MARCHF1: variants seen among roughly 807,000 people sequenced by gnomAD.
MARCHF1 encodes membrane associated ring-CH-type finger 1.
A neutral mutation model predicts 54.2 loss-of-function variants in MARCHF1; 40 were observed. The ratio of observed to expected loss-of-function variants is 0.74; its 90% CI spans 0.57 to 0.96. The LOEUF (loss-of-function observed/expected upper bound fraction) is 0.96, where lower values mean the gene tolerates loss of function less well. Ranked by LOEUF, MARCHF1 falls within the 40% of genes least tolerant of loss-of-function variation. The pLI, the probability that MARCHF1 is intolerant of heterozygous loss-of-function variation, is 0.00. For synonymous variants in MARCHF1, 236 were observed against 236.3 expected (o/e 1.00, Z 0.01); for missense variants, 586 against 656.5 (o/e 0.89, Z 1.17).
chr4:163,631,743 A>G (rs1742091369), intron 5 of MARCHF1, among the ~76,000 whole-genome samples: 1 of 152,250 alleles, frequency 6.6e-6, no homozygotes, highest in South Asian at 2.1e-4. Context: ...AAACTGTATG[A>G]CATTGGATTT....
At chr4:163,902,359 G>A (rs2111309739) in intron 3 of MARCHF1, among the ~76,000 whole-genome samples, 1 of 152,168 alleles carries the variant, frequency 6.6e-6, no homozygotes, top group East Asian at 1.9e-4. Context: ...AGAGACAGAT[G>A]ATCACACAGA....
chr4:163,553,300 A>G (rs1739176102), intron 8 of MARCHF1, among the ~76,000 whole-genome samples: 1 of 152,224 alleles, frequency 6.6e-6, no homozygotes, highest in African/African-American at 2.4e-5. Context: ...ACCGCATCCA[A>G]TTAGACCTCA....
At chr4:164,285,989 G>T (rs984789464) in intron 1 of MARCHF1, among the ~76,000 whole-genome samples, 1 of 152,092 alleles carries the variant, frequency 6.6e-6, no homozygotes, top group Non-Finnish European at 1.5e-5. Context: ...CTGGGAGTGA[G>T]TAAGGAGTAA....
At chr4:163,663,043 C>T (rs1193984556) in intron 5 of MARCHF1, among the ~76,000 whole-genome samples, 1 of 151,840 alleles carries the variant, frequency 6.6e-6, no homozygotes, top group Non-Finnish European at 1.5e-5. Context: ...CAAATTTAAC[C>T]TTCTAACTGG....
At chr4:164,370,179 C>T (rs1730996980) in intron 1 of MARCHF1, among the ~76,000 whole-genome samples, 1 of 152,130 alleles carries the variant, frequency 6.6e-6, no homozygotes, top group African/African-American at 2.4e-5. Context: ...CCAATCTCAA[C>T]AGAGTGTATG....
chr4:163,680,515 A>ACAC (rs1744068442), intron 5 of MARCHF1, among the ~76,000 whole-genome samples: 1 of 152,196 alleles, frequency 6.6e-6, no homozygotes, highest in South Asian at 2.1e-4. Context: ...GCTCCCTGGA[A>ACAC]CACCAGCTCT....
intron 5 of MARCHF1, among the ~76,000 whole-genome samples, chr4:163,634,563 T>A (rs751270326): frequency 6.6e-6 from 1 of 151,912 alleles, no homozygotes; most frequent in Non-Finnish European, 1.5e-5. Context: ...TAAATATATA[T>A]GCACCCAATA....
At chr4:164,105,817 A>C (rs1200682467) in intron 2 of MARCHF1, among the ~76,000 whole-genome samples, 1 of 138,504 alleles carries the variant, frequency 7.2e-6, no homozygotes, top group Non-Finnish European at 1.5e-5. Flanking sequence ...CTACCATCAG[A>C]GTGAACAGGT....
intron 1 of MARCHF1, among the ~76,000 whole-genome samples, chr4:164,270,146 T>A (rs1219357792): frequency 1.3e-5 from 2 of 152,184 alleles, no homozygotes; most frequent in East Asian, 3.9e-4. Flanking sequence ...CCTTGGCTGA[T>A]TCTGTGGCAG....
At chr4:163,618,355 C>T (rs536460902) in intron 5 of MARCHF1, among the ~76,000 whole-genome samples, 8 of 152,078 alleles carry the variant, frequency 5.3e-5, no homozygotes, top group East Asian at 1.9e-4. Flanking sequence ...TAAGTTAATA[C>T]GCCCGAGGAC....
chr4:164,156,261 T>C (rs568974965), intron 1 of MARCHF1, among the ~76,000 whole-genome samples: 1 of 152,318 alleles, frequency 6.6e-6, no homozygotes, highest in African/African-American at 2.4e-5. Flanking sequence ...AGTGACAGCA[T>C]GTTTGTCTTA....
At chr4:163,645,342 C>T (rs1002548249) in intron 5 of MARCHF1, among the ~76,000 whole-genome samples, 4 of 152,150 alleles carry the variant, frequency 2.6e-5, no homozygotes, top group African/African-American at 9.7e-5. Flanking sequence ...TAGAGGCAAT[C>T]ACATCACACC....
intron 4 of MARCHF1, among the ~76,000 whole-genome samples, chr4:163,843,970 A>G (rs1174931391): frequency 2.0e-5 from 3 of 151,190 alleles, no homozygotes; most frequent in Non-Finnish European, 1.5e-5. Context: ...TTTTTTTTCA[A>G]TTTGTTTTCT....
At chr4:164,054,455 G>T (rs965685309) in intron 2 of MARCHF1, among the ~76,000 whole-genome samples, 4 of 151,946 alleles carry the variant, frequency 2.6e-5, no homozygotes, top group Non-Finnish European at 5.9e-5. Context: ...AAATCATGCT[G>T]CTATAAAGAC....
intron 1 of MARCHF1, chr4:164,190,082 T>G (rs1347991146): frequency 7.0e-7 from 1 of 1,420,154 alleles, no homozygotes. Context: ...GCTATGGCTA[T>G]TCTCTAAAGA....
chr4:163,642,749 G>A (rs1462749743), intron 5 of MARCHF1, among the ~76,000 whole-genome samples: 1 of 152,064 alleles, frequency 6.6e-6, no homozygotes, highest in African/African-American at 2.4e-5. Flanking sequence ...AGGTTTCTGA[G>A]TCTGTCAAAA....
intron 2 of MARCHF1, among the ~76,000 whole-genome samples, chr4:164,006,270 T>C (rs1753285129): frequency 6.6e-6 from 1 of 152,088 alleles, no homozygotes; most frequent in African/African-American, 2.4e-5. Context: ...AAAATTGAAA[T>C]AATAATTTTA....
chr4:164,251,780 C>T (rs553027116), intron 1 of MARCHF1, among the ~76,000 whole-genome samples: 18 of 151,978 alleles, frequency 1.2e-4, no homozygotes, highest in African/African-American at 3.4e-4. Flanking sequence ...TAGCTGCATG[C>T]TAATAAATTA....
chr4:164,363,600 T>C (rs76462773), intron 1 of MARCHF1, among the ~76,000 whole-genome samples: 7 of 152,030 alleles, frequency 4.6e-5, no homozygotes, highest in Non-Finnish European at 1.0e-4. Flanking sequence ...TGGCCATAAA[T>C]TTTTGGGGGG....
Sources: gnomAD v4.1 joint callset for allele counts (sites outside exome capture counted in the v4.1 genomes callset) on GRCh38, gnomAD v4.1.1 for gene constraint, MANE v1.5 for transcripts, NCBI Gene and HGNC (gene_info 2026-07-23, HGNC 2026-07-21) for gene names.